The following ACVR1B variants were observed in gnomAD, a reference collection of about 807,000 sequenced individuals.
ACVR1B encodes the protein activin receptor type-1B.
Under a neutral mutation model 55.6 loss-of-function variants are expected in ACVR1B, and 15 were observed. That is an observed-to-expected ratio of 0.27 (90% confidence interval 0.18 to 0.42). The LOEUF (loss-of-function observed/expected upper bound fraction) is 0.42, where lower values mean the gene tolerates loss of function less well. Ranked by LOEUF, ACVR1B falls within the 10% of genes least tolerant of loss-of-function variation. The pLI is 1.00. For missense variants in ACVR1B, 359 were observed against 670.1 expected (o/e 0.54, Z 5.13); for synonymous variants, 247 against 254.6 (o/e 0.97, Z 0.28).
Position 51,976,438 on chromosome 12 carries a change from T to C in ACVR1B, c.443T>C (p.Val148Ala), listed in dbSNP as rs1303376750. 1 of 1,614,136 alleles carries C rather than the reference T, an allele frequency of 6.2e-7. No homozygotes were observed. The highest frequency in any genetic ancestry group is 2.2e-5 in the East Asian group (1 of 44,878). ...CTCATCATCATCATTGTTTTCCTTG[T>C]CATTAACTATCATCAGCGTGTCTAT... ...LFLIIIIVFL[V>A]INYHQRVYHN... Residue 148 changes from valine to alanine, a missense_variant, in exon 3 of 9, where the codon GTC becomes GCC. Around this residue, in one of 5 missense-constraint regions of ACVR1B, gnomAD observed 133 missense variants for 188.2 expected, o/e 0.71. Transcript: ENST00000257963.
Position 51,957,153 on chromosome 12 carries a change from A to C in ACVR1B, c.91+5319A>C, listed in dbSNP as rs902465061. Among the ~76,000 whole-genome samples the C allele has an allele frequency of 4.6e-5, 7 of 151,966 alleles. No individual in the cohort carries two copies. In the South Asian group the frequency reaches 8.3e-4, roughly 18 times the overall value. On this transcript the variant is annotated intron_variant, in intron 1 of 8. Transcript: ENST00000257963. Reference sequence around the variant, plus strand: ...TCTGTCACCCAGGCTGTATAGTACGAGAGTGTATCATAGGCCAGGCACAGT... The same window carrying C: ...TCTGTCACCCAGGCTGTATAGTACGCGAGTGTATCATAGGCCAGGCACAGT...
chr12:51,970,296 C>T (rs1031320625), intron 1 of ACVR1B, among the ~76,000 whole-genome samples: 2 of 152,158 alleles, frequency 1.3e-5, no homozygotes, highest in Non-Finnish European at 2.9e-5. Context: ...AACTTAGACC[C>T]TGGAGACCTG....
In ACVR1B at chr12:51,984,081, A is replaced by G; in HGVS notation, c.894A>G (p.Thr298=). 1 of 1,614,202 alleles carries G rather than the reference A, an allele frequency of 6.2e-7. No individual in the cohort carries two copies. ...TGTTTGATTATCTGAACCGGTACAC[A>G]GTGACAATTGAGGGGATGATTAAGC... ...GSLFDYLNRY[T]VTIEGMIKLA... is the part of the protein sequence containing the mutation. Residue 298 remains threonine (T), a synonymous_variant, in exon 5 of 9, where the codon ACA becomes ACG. Coordinates refer to ENST00000257963, the MANE Select transcript of ACVR1B (RefSeq NM_004302.5).
rs965771923 is a variant in ACVR1B, at chr12:51,989,482, A to C, written c.1262-2381A>C. 2.6e-5 allele frequency among the ~76,000 whole-genome samples: 4 copies of C among 151,700 alleles called. No homozygotes were observed. In the East Asian group the frequency reaches 5.9e-4, roughly 22 times the overall value. ...CTGTTTTTAGTAGTGATGGGGCTTC[A>C]TTGTGTTGGCCAGGCTGGTCTCGAA... is the stretch of plus-strand genomic sequence containing the variant. On this transcript the variant is annotated intron_variant, in intron 7 of 8. Transcript: ENST00000257963.
At chr12:51,971,471 G>A (rs1472360127) in intron 1 of ACVR1B, among the ~76,000 whole-genome samples, 10 of 152,120 alleles carry the variant, frequency 6.6e-5, no homozygotes, top group South Asian at 2.1e-4. Context: ...TAATTCTTCC[G>A]CCTTGGAATA....
chr12:51,993,267 C>T (rs763604139), intron 8 of ACVR1B, among the ~76,000 whole-genome samples: 6 of 152,192 alleles, frequency 3.9e-5, no homozygotes, highest in Admixed American at 2.6e-4. Context: ...CTGCCTTTAA[C>T]GAGTCTAACC....
intron 1 of ACVR1B, among the ~76,000 whole-genome samples, chr12:51,962,744 C>T (rs1941559555): frequency 6.6e-6 from 1 of 152,120 alleles, no homozygotes; most frequent in Non-Finnish European, 1.5e-5. Context: ...TAGCTATTAA[C>T]AATTGTCTTT....
chr12:51,981,200 G>T lies in ACVR1B; in HGVS notation c.811+1G>T. The stretch of plus-strand genomic sequence containing the variant: ...GGATTTATTGCTGCTGACAATAAAG[G>T]TAAGGGCTGGGCTTGGATACAGCAT... On this transcript the variant is annotated splice_donor_variant, in intron 4 of 8. Transcript: ENST00000257963. LOFTEE classifies it high-confidence loss of function. 1 of 1,613,210 alleles carries T rather than the reference G, an allele frequency of 6.2e-7. No individual in the cohort carries two copies. Among genetic ancestry groups the T allele is most frequent in the Non-Finnish European group, 8.5e-7 (1 of 1,179,184 alleles).
intron 4 of ACVR1B, 139 bp downstream of exon 4, chr12:51,981,338 C>G: frequency 1.5e-6 from 1 of 687,012 alleles, no homozygotes; most frequent in Non-Finnish European, 2.4e-6. Flanking sequence ...GGTTTCCATG[C>G]TTTCCTTAAA....
chr12:51,953,496 T>C (rs938169410), intron 1 of ACVR1B: 1 of 985,168 alleles, frequency 1.0e-6, no homozygotes, highest in African/African-American at 1.7e-5. Flanking sequence ...GCTTGACATT[T>C]GTGGTGAGAT....
intron 1 of ACVR1B, among the ~76,000 whole-genome samples, chr12:51,959,332 A>C (rs189363567): frequency 1.3e-5 from 2 of 152,368 alleles, no homozygotes; most frequent in East Asian, 3.9e-4. Context: ...GCTTGGAAGC[A>C]AGCAGACGTC....
intron 1 of ACVR1B, among the ~76,000 whole-genome samples, chr12:51,964,267 A>T (rs1941596140): frequency 6.6e-6 from 1 of 152,160 alleles, no homozygotes; most frequent in Non-Finnish European, 1.5e-5. Flanking sequence ...CAGACTCCTG[A>T]ATAGTTGGGA....
At chr12:51,957,248 C>G (rs1592241153) in intron 1 of ACVR1B, among the ~76,000 whole-genome samples, 1 of 151,826 alleles carries the variant, frequency 6.6e-6, no homozygotes, top group African/African-American at 2.4e-5. Context: ...GAGTTCGAGA[C>G]CAGCCTGACA....
intron 1 of ACVR1B, among the ~76,000 whole-genome samples, chr12:51,966,351 G>GA (rs1423107074): frequency 6.6e-6 from 1 of 152,222 alleles, no homozygotes; most frequent in Non-Finnish European, 1.5e-5. Flanking sequence ...AACTTGCAAG[G>GA]AAAAATAACA....
At chr12:51,967,332 G>T (rs1941662141) in intron 1 of ACVR1B, among the ~76,000 whole-genome samples, 1 of 152,130 alleles carries the variant, frequency 6.6e-6, no homozygotes, top group African/African-American at 2.4e-5. Context: ...GCCGAGGCTG[G>T]TGGGTCACCT....
intron 1 of ACVR1B, among the ~76,000 whole-genome samples, chr12:51,964,105 G>A (rs1483392900): frequency 1.3e-5 from 2 of 152,178 alleles, no homozygotes; most frequent in African/African-American, 4.8e-5. Flanking sequence ...TCGGAGAAAT[G>A]TCTGTTCAGG....
intron 4 of ACVR1B, 116 bp downstream of exon 4, chr12:51,981,315 T>C: frequency 1.2e-6 from 1 of 842,410 alleles, no homozygotes; most frequent in Admixed American, 2.8e-5. Context: ...AAAGAAAACT[T>C]GAGTAAGGTC....
In ACVR1B at chr12:51,994,306, A is replaced by G; in HGVS notation, c.*196A>G. The G allele has an allele frequency of 1.6e-6, 1 of 627,620 alleles. No homozygotes were observed. The highest frequency in any genetic ancestry group is 2.7e-6 in the Non-Finnish European group (1 of 374,482). 38.9% of individuals were successfully genotyped at this position (627,620 alleles called of 1,614,324 possible). A position where few individuals can be genotyped will look rare whatever the true frequency, so the allele number is the denominator to read the frequency against. On this transcript the variant is annotated 3_prime_UTR_variant, in exon 9 of 9. Transcript: ENST00000257963. The surrounding 1 kb of genome is among the most constrained non-coding windows in gnomAD (Gnocchi z 4.2). ...TTTGAGACAGACACCTTTTCTATTT[A>G]CCTCCTAATGGCATGGAGACTCTGA...
At chr12:51,966,169 T>C (rs1274093386) in intron 1 of ACVR1B, among the ~76,000 whole-genome samples, 1 of 152,222 alleles carries the variant, frequency 6.6e-6, no homozygotes, top group African/African-American at 2.4e-5. Flanking sequence ...CACTTGTTAG[T>C]ATTCTAGCCA....
Sources: gnomAD v4.1 joint callset for allele counts (sites outside exome capture counted in the v4.1 genomes callset) on GRCh38, gnomAD v4.1.1 for gene constraint, gnomAD v4.1.1 regional missense constraint, Gnocchi (gnomAD v3.1) non-coding constraint, MANE v1.5 for transcripts, NCBI Gene and HGNC (gene_info 2026-07-23, HGNC 2026-07-21) for gene names.